The following CHLSN variants were observed in gnomAD, a reference collection of about 807,000 sequenced individuals.
CHLSN encodes the protein cholesin.
the CHLSN span, among the ~76,000 whole-genome samples, chr7:1,136,661 GTATA>G: frequency 1.4e-5 from 2 of 145,936 alleles, no homozygotes; most frequent in East Asian, 2.0e-4. Flanking sequence ...TATAAACTGT[GTATA>G]TATATAACTA....
chr7:1,037,054 T>A, the CHLSN span, among the ~76,000 whole-genome samples: 1 of 145,184 alleles, frequency 6.9e-6, no homozygotes, highest in Non-Finnish European at 1.6e-5. Flanking sequence ...GAGGCTGCAG[T>A]GAGCCGAGAT....
At chr7:988,272 C>A in the CHLSN span, 10 of 1,575,604 alleles carry the variant, frequency 6.3e-6, no homozygotes, top group Admixed American at 8.7e-5. Context: ...CGGCTGCCCC[C>A]ACAGGGCACG....
chr7:1,107,662 T>C, the CHLSN span, among the ~76,000 whole-genome samples: 1 of 152,314 alleles, frequency 6.6e-6, no homozygotes, highest in Admixed American at 6.5e-5. Context: ...CCCACAACTG[T>C]ACCACCGTGA....
At chr7:1,106,378 CCT>C in the CHLSN span, among the ~76,000 whole-genome samples, 1 of 152,184 alleles carries the variant, frequency 6.6e-6, no homozygotes, top group Non-Finnish European at 1.5e-5. Flanking sequence ...TCTGAGGGCC[CCT>C]GTGTTCTGGG....
chr7:1,096,274 T>C, the CHLSN span, among the ~76,000 whole-genome samples: 1 of 152,232 alleles, frequency 6.6e-6, no homozygotes, highest in Non-Finnish European at 1.5e-5. The surrounding 1 kb of genome is among the most constrained non-coding windows in gnomAD (Gnocchi z 4.6). Context: ...AGCAGACTCT[T>C]GACCTGTGAA....
the CHLSN span, among the ~76,000 whole-genome samples, chr7:1,051,363 G>A: frequency 1.3e-5 from 2 of 152,238 alleles, no homozygotes; most frequent in African/African-American, 2.4e-5. Context: ...GAGCCAGGCC[G>A]CCGAGGTTCT....
the CHLSN span, among the ~76,000 whole-genome samples, chr7:1,016,470 TAGCAGCACAGCAGCACACAGCAGCGCAC>T: frequency 7.1e-5 from 2 of 28,134 alleles, no homozygotes; most frequent in Non-Finnish European, 1.2e-4. Flanking sequence ...CGCCAGCACA[TAGCAGCACAGCAGCACACAGCAGCGCAC>T]AGCAGCACAG....
chr7:1,114,987 C>G, the CHLSN span, among the ~76,000 whole-genome samples: 1 of 152,232 alleles, frequency 6.6e-6, no homozygotes, highest in South Asian at 2.1e-4. Context: ...AAACCCCTTC[C>G]TGTTTGAGAT....
the CHLSN span, among the ~76,000 whole-genome samples, chr7:1,083,524 A>T: frequency 6.6e-6 from 1 of 151,950 alleles, no homozygotes; most frequent in Non-Finnish European, 1.5e-5. Context: ...GCTACTCGGG[A>T]GGCTGAGGCA....
At chr7:982,567 C>A in the CHLSN span, among the ~76,000 whole-genome samples, 1 of 152,248 alleles carries the variant, frequency 6.6e-6, no homozygotes, top group Non-Finnish European at 1.5e-5. Context: ...CCTGCCCGGG[C>A]GGCAGCCCTC....
chr7:994,828 G>A, the CHLSN span, among the ~76,000 whole-genome samples: 1 of 152,250 alleles, frequency 6.6e-6, no homozygotes, highest in Non-Finnish European at 1.5e-5. Context: ...GCTCAGCCCA[G>A]ATGTGCTTTG....
At chr7:1,016,135 GCCAGCACACAGCAGCA>G in the CHLSN span, among the ~76,000 whole-genome samples, 2 of 55,898 alleles carry the variant, frequency 3.6e-5, no homozygotes, top group South Asian at 9.0e-4. Context: ...AGCAGCACAC[GCCAGCACACAGCAGCA>G]CACGCCAGCA....
chr7:1,047,373 G>A, the CHLSN span, among the ~76,000 whole-genome samples: 1 of 152,234 alleles, frequency 6.6e-6, no homozygotes, highest in East Asian at 1.9e-4. Context: ...GTTTGGAATT[G>A]TAAAAAGCAA....
the CHLSN span, chr7:1,091,899 C>T: frequency 1.3e-5 from 21 of 1,613,866 alleles, no homozygotes; most frequent in East Asian, 1.8e-4. Context: ...AGTACGTGAT[C>T]GGCCTGTTCC....
At chr7:1,050,531 G>T in the CHLSN span, among the ~76,000 whole-genome samples, 1 of 152,218 alleles carries the variant, frequency 6.6e-6, no homozygotes, top group Admixed American at 6.5e-5. Context: ...TGAGCCTGGG[G>T]CTCCCAGCTC....
the CHLSN span, among the ~76,000 whole-genome samples, chr7:1,126,188 G>A: frequency 1.3e-5 from 2 of 150,898 alleles, no homozygotes; most frequent in Admixed American, 6.6e-5. Context: ...GTGAAACCCC[G>A]TCTCTACTAA....
chr7:1,135,593 C>T, the CHLSN span, among the ~76,000 whole-genome samples: 1 of 151,252 alleles, frequency 6.6e-6, no homozygotes, highest in Admixed American at 6.6e-5. Flanking sequence ...ATGGTGAAAC[C>T]CCATCTTTAC....
the CHLSN span, among the ~76,000 whole-genome samples, chr7:1,073,243 T>A: frequency 6.6e-6 from 1 of 152,142 alleles, no homozygotes; most frequent in East Asian, 1.9e-4. Flanking sequence ...GGTGTGAATT[T>A]CAAAATACAT....
At chr7:1,009,015 A>ACACACG in the CHLSN span, among the ~76,000 whole-genome samples, 1 of 138,110 alleles carries the variant, frequency 7.2e-6, no homozygotes. Flanking sequence ...ACACACACAC[A>ACACACG]TACACATGCA....
Sources: allele counts gnomAD v4.1 joint callset (sites outside exome capture counted in the v4.1 genomes callset), GRCh38; gene constraint gnomAD v4.1.1; non-coding constraint Gnocchi (gnomAD v3.1); transcripts MANE v1.5; gene names NCBI Gene and HGNC (gene_info 2026-07-23, HGNC 2026-07-21).